Variants in NEK5 observed in about 807,000 individuals in gnomAD.
NEK5 encodes serine/threonine-protein kinase Nek5.
A neutral mutation model predicts 109.2 loss-of-function variants in NEK5; 88 were observed. The observed-to-expected ratio is 0.81, with a 90% confidence interval of 0.68 to 0.96. NEK5 has a LOEUF of 0.96. Ranked by LOEUF, NEK5 falls within the 40% of genes least tolerant of loss-of-function variation. The probability of loss-of-function intolerance (pLI) is 0.00; values close to 1 mark genes in which losing one functional copy is unlikely to be tolerated. For synonymous variants in NEK5, 283 were observed against 299.9 expected (o/e 0.94, Z 0.58); for missense variants, 834 against 920.7 (o/e 0.91, Z 1.22).
intron 9 of NEK5, among the ~76,000 whole-genome samples, chr13:52,102,641 C>T (rs1237716543): frequency 3.9e-5 from 6 of 152,066 alleles, no homozygotes; most frequent in South Asian, 4.1e-4. Context: ...TGCAGTAAGC[C>T]GTGATTGCGT....
chr13:52,098,261 C>CAAATAAATAAATAAATAAAT (rs34554364), intron 12 of NEK5, among the ~76,000 whole-genome samples: 18 of 147,006 alleles, frequency 1.2e-4, no homozygotes, highest in Admixed American at 4.2e-4. Context: ...GACCCTCTTT[C>CAAATAAATAAATAAATAAAT]AAATAAATAA....
intron 5 of NEK5, among the ~76,000 whole-genome samples, 198 bp from the exon 6 acceptor site, chr13:52,110,775 G>A (rs1488006550): frequency 1.3e-5 from 2 of 152,118 alleles, no homozygotes; most frequent in African/African-American, 4.8e-5. Flanking sequence ...CTAAAAAAAT[G>A]GAGGCACAGA....
chr13:52,080,413 G>A (rs889452635), intron 17 of NEK5, among the ~76,000 whole-genome samples: 1 of 151,994 alleles, frequency 6.6e-6, no homozygotes, highest in African/African-American at 2.4e-5. Context: ...CATTGAGAAC[G>A]GGCCATGATG....
At chr13:52,047,768 C>G (rs1011914362) in intron 23 of NEK5, among the ~76,000 whole-genome samples, 1 of 152,038 alleles carries the variant, frequency 6.6e-6, no homozygotes, top group Non-Finnish European at 1.5e-5. Flanking sequence ...CACTTGAGCC[C>G]AGGAGTTCAA....
chr13:52,112,662 T>C (rs979730395), intron 4 of NEK5, among the ~76,000 whole-genome samples: 2 of 152,356 alleles, frequency 1.3e-5, no homozygotes, highest in African/African-American at 4.8e-5. Flanking sequence ...TTGGCTATTT[T>C]TATTAATACA....
At chr13:52,056,115 A>C (rs1313371864) in intron 22 of NEK5, among the ~76,000 whole-genome samples, 2 of 152,178 alleles carry the variant, frequency 1.3e-5, no homozygotes, top group African/African-American at 4.8e-5. Flanking sequence ...CTACCAAGCA[A>C]ATGGAAAACA....
At chr13:52,045,300 T>G (rs1954447641) in intron 23 of NEK5, among the ~76,000 whole-genome samples, 1 of 150,446 alleles carries the variant, frequency 6.6e-6, no homozygotes, top group Non-Finnish European at 1.5e-5. Flanking sequence ...CGGCTAATTT[T>G]TTTGTATTTT....
At chr13:52,101,796 G>T (rs1435309284) in intron 11 of NEK5, 137 bp downstream of exon 11, 11 of 713,354 alleles carry the variant, frequency 1.5e-5, no homozygotes, top group Non-Finnish European at 2.4e-5. Flanking sequence ...TTGACAAGAT[G>T]ATTTTTCTCC....
chr13:52,128,798 C>G (rs1036639183), intron 1 of NEK5: 9 of 152,272 alleles, frequency 5.9e-5, no homozygotes, highest in African/African-American at 2.2e-4. Context: ...TGGAAGCGGC[C>G]GCGGGTGAGT....
intron 1 of NEK5, among the ~76,000 whole-genome samples, chr13:52,128,539 G>A (rs1187626977): frequency 3.3e-5 from 5 of 152,150 alleles, no homozygotes; most frequent in Non-Finnish European, 2.9e-5. Context: ...GGGTGAGCAG[G>A]GGGCTTGTTT....
At chr13:52,125,704 G>A (rs1335611383) in intron 3 of NEK5, among the ~76,000 whole-genome samples, 4 of 152,172 alleles carry the variant, frequency 2.6e-5, no homozygotes, top group Non-Finnish European at 5.9e-5. Context: ...GGCAGTTTAG[G>A]TGACAATGGA....
At chr13:52,054,543 GT>G (rs953299962) in intron 22 of NEK5, among the ~76,000 whole-genome samples, 12 of 152,234 alleles carry the variant, frequency 7.9e-5, no homozygotes, top group African/African-American at 2.9e-4. Context: ...AGACTTAAAA[GT>G]CCCTGTCTGA....
At chr13:52,056,005 A>G (rs1409523073) in intron 22 of NEK5, among the ~76,000 whole-genome samples, 1 of 152,144 alleles carries the variant, frequency 6.6e-6, no homozygotes, top group African/African-American at 2.4e-5. Flanking sequence ...AGACTGGCAA[A>G]TTGGATAAAG....
chr13:52,122,558 G>A (rs771325962), intron 3 of NEK5, among the ~76,000 whole-genome samples: 2 of 152,158 alleles, frequency 1.3e-5, no homozygotes, highest in Non-Finnish European at 2.9e-5. Flanking sequence ...CACGAAGTCA[G>A]TAGTTCGAGA....
At chr13:52,052,779 G>T (rs1016021730) in intron 22 of NEK5, among the ~76,000 whole-genome samples, 1 of 152,160 alleles carries the variant, frequency 6.6e-6, no homozygotes, top group Non-Finnish European at 1.5e-5. Context: ...TTGGTTTAAA[G>T]TTCACATAAC....
intron 16 of NEK5, among the ~76,000 whole-genome samples, chr13:52,083,880 GATCAGCCTTAGAC>G (rs1303418348): frequency 1.3e-5 from 2 of 152,256 alleles, no homozygotes; most frequent in East Asian, 3.9e-4. Context: ...GCCCATCCCA[GATCAGCCTTAGAC>G]ATAAGGCTGA....
intron 16 of NEK5, among the ~76,000 whole-genome samples, chr13:52,083,816 G>T (rs538377078): frequency 5.9e-5 from 9 of 152,156 alleles, no homozygotes; most frequent in African/African-American, 2.2e-4. Context: ...GATTACAGGC[G>T]TGAGCTACCG....
In NEK5 at chr13:52,058,889, A is replaced by G. The variant is rs1954586300; in HGVS notation, c.2110+2930T>C. ...AGGCTTTACCATTCAGGACATAGGC[A>G]TGGGCAAGGACTTCATGTCTAAAAC... On this transcript the variant is annotated intron_variant, in intron 22 of 23. Coordinates refer to ENST00000684899, the MANE Select transcript of NEK5 (RefSeq NM_001365552.1). 2.6e-5 allele frequency among the ~76,000 whole-genome samples: 4 copies of G among 151,926 alleles called. No individual in the cohort carries two copies. The South Asian group carries it at 8.3e-4, about 32-fold the overall frequency.
intron 16 of NEK5, among the ~76,000 whole-genome samples, chr13:52,084,135 A>G (rs974533630): frequency 5.3e-5 from 8 of 152,316 alleles, no homozygotes; most frequent in Non-Finnish European, 8.8e-5. Context: ...CTGTGCACCT[A>G]CAGGGCTTAC....
Sources: gnomAD v4.1 joint callset for allele counts (sites outside exome capture counted in the v4.1 genomes callset) on GRCh38, gnomAD v4.1.1 for gene constraint, MANE v1.5 for transcripts, NCBI Gene and HGNC (gene_info 2026-07-23, HGNC 2026-07-21) for gene names.